The following NCOR2 variants were observed in gnomAD, a reference collection of about 807,000 sequenced individuals.
NCOR2 encodes CTG repeat protein 26.
Under a neutral mutation model 262.9 loss-of-function variants are expected in NCOR2, and 81 were observed. The ratio of observed to expected loss-of-function variants is 0.31; its 90% CI spans 0.26 to 0.37. The LOEUF (loss-of-function observed/expected upper bound fraction) is 0.37. NCOR2 is among the 10% of genes least tolerant of loss of function. The pLI is 1.00. For synonymous variants in NCOR2, 1,659 were observed against 1,559.3 expected (o/e 1.06, Z -1.51); for missense variants, 3,385 against 3,621.4 (o/e 0.93, Z 1.68).
intron 22 of NCOR2, among the ~76,000 whole-genome samples, chr12:124,358,984 G>A (rs1174409255): frequency 6.6e-6 from 1 of 152,240 alleles, no homozygotes; most frequent in Non-Finnish European, 1.5e-5. Flanking sequence ...CCCAGGCACT[G>A]GGGCTGCAGA....
intron 27 of NCOR2, among the ~76,000 whole-genome samples, chr12:124,353,317 C>T (rs374473242): frequency 5.3e-5 from 8 of 152,232 alleles, no homozygotes; most frequent in African/African-American, 1.7e-4. Context: ...CTCAGCCTGA[C>T]TTTTGTCCAA....
chr12:124,362,322 C>T lies in NCOR2; in HGVS notation c.2929-25G>A, dbSNP rs780102975. The T allele has an allele frequency of 4.5e-6, 6 of 1,334,342 alleles. No homozygotes were observed. The Admixed American group carries it at 1.8e-4, about 39-fold the overall frequency. The allele number at this position is 1,334,342 out of a possible 1,614,324, so 82.7% of individuals were successfully genotyped here. On this transcript the variant is annotated intron_variant, in intron 21 of 46. Coordinates refer to ENST00000405201, the Ensembl canonical transcript of NCOR2. Reference sequence around the variant, plus strand: ...GCTGAGGGAAGCAGGCAGAAGTGAGCATTCACAGAGGGTGTCTGAAAGTGA... The same window carrying T: ...GCTGAGGGAAGCAGGCAGAAGTGAGTATTCACAGAGGGTGTCTGAAAGTGA...
At position 124,340,655 on chromosome 12, in the gene NCOR2, G is replaced by T. The variant is rs374215389; in HGVS notation, c.5285C>A (p.Pro1762His). ...GCTGCTGAAGGGCTGGGGCGCGGTG[G>T]GGAGGTAGGCAAGGCGGTCCATGGC... Residue 1762 changes from proline (P) to histidine (H), a missense_variant, in exon 35 of 47, where the codon CCC becomes CAC. Physicochemically the swap from Pro to His is moderately conservative, Grantham distance 77. This residue lies in a region of NCOR2 where 1,615 missense variants were observed against 1,626.9 expected (regional missense o/e 0.99). Coordinates refer to ENST00000405201, the Ensembl canonical transcript of NCOR2. The T allele has an allele frequency of 2.0e-6, 3 of 1,502,882 alleles. No homozygotes were observed. In the African/African-American group the frequency reaches 4.2e-5, roughly 21 times the overall value. The allele number at this position is 1,502,882 out of a possible 1,614,324, so 93.1% of individuals were successfully genotyped here.
At chr12:124,425,201 C>CATCTCT (rs2043462844) in intron 11 of NCOR2, among the ~76,000 whole-genome samples, 1 of 152,068 alleles carries the variant, frequency 6.6e-6, no homozygotes, top group African/African-American at 2.4e-5. Flanking sequence ...GGTGAAACCC[C>CATCTCT]ATCTCTACTA....
rs2047562258 is a variant in NCOR2, at chr12:124,482,730, C to T, written c.411+866G>A. Among the ~76,000 whole-genome samples the T allele has an allele frequency of 6.6e-6, 1 of 152,098 alleles. No individual in the cohort carries two copies. The highest frequency in any genetic ancestry group is 2.4e-5 in the African/African-American group (1 of 41,418). ...TGAGTGTGCCCAGGTGAGGCCTGGG[C>T]CCACCTGCAATGCCAGGCAGCCCCC... On this transcript the variant is annotated intron_variant, in intron 3 of 46. Coordinates refer to ENST00000405201, the Ensembl canonical transcript of NCOR2. The surrounding 1 kb of genome is among the most constrained non-coding windows in gnomAD (Gnocchi z 6.3).
chr12:124,411,385 C>T (rs987892714), intron 13 of NCOR2, among the ~76,000 whole-genome samples: 1 of 152,138 alleles, frequency 6.6e-6, no homozygotes, highest in Non-Finnish European at 1.5e-5. Flanking sequence ...GAGTGGACGG[C>T]AGCAGTCGGG....
At chr12:124,563,278 T>A (rs551533120) in intron 1 of NCOR2, among the ~76,000 whole-genome samples, 1 of 152,346 alleles carries the variant, frequency 6.6e-6, no homozygotes, top group South Asian at 2.1e-4. Context: ...GTTAGGACAA[T>A]TCTTTCTAGA....
chr12:124,506,654 T>TCCTCATTAAGTTCCGGGCGTC (rs2049057118), intron 1 of NCOR2, among the ~76,000 whole-genome samples: 1 of 151,944 alleles, frequency 6.6e-6, no homozygotes, highest in Non-Finnish European at 1.5e-5. Flanking sequence ...TGCCGCCTCT[T>TCCTCATTAAGTTCCGGGCGTC]CCTCATTAAG....
intron 17 of NCOR2, among the ~76,000 whole-genome samples, chr12:124,379,222 G>T (rs1316597362): frequency 1.3e-5 from 2 of 152,098 alleles, no homozygotes; most frequent in Non-Finnish European, 2.9e-5. Context: ...ATGGAAAGAA[G>T]CCCTCATCGT....
rs1408685762 is a variant in NCOR2 at position 124,381,119 on chromosome 12, T to C, written c.2020-2735A>G. 2.6e-5 allele frequency among the ~76,000 whole-genome samples: 4 copies of C among 152,132 alleles called. No individual in the cohort carries two copies. In the East Asian group the frequency reaches 5.8e-4, roughly 22 times the overall value. On this transcript the variant is annotated intron_variant, in intron 17 of 46. Transcript: ENST00000405201. Reference sequence around the variant, plus strand: ...AATCCCCAAGTCCTCCCCCTATCCATATGGCCCTGTGTGATCCAGCCCTGG... The same window carrying C: ...AATCCCCAAGTCCTCCCCCTATCCACATGGCCCTGTGTGATCCAGCCCTGG...
At chr12:124,419,886 G>C in intron 13 of NCOR2, 71 bp downstream of exon 15, 1 of 1,398,628 alleles carries the variant, frequency 7.1e-7, no homozygotes, top group Non-Finnish European at 1.0e-6. Flanking sequence ...GCGGGGTGCT[G>C]GCCACCAAGC....
At chr12:124,448,596 C>T (rs2045331410) in intron 7 of NCOR2, among the ~76,000 whole-genome samples, 1 of 152,158 alleles carries the variant, frequency 6.6e-6, no homozygotes, top group African/African-American at 2.4e-5. Flanking sequence ...CCGAGAAGGC[C>T]AAGGGCCTCA....
intron 42 of NCOR2, among the ~76,000 whole-genome samples, 156 bp downstream of exon 44, chr12:124,332,974 C>T (rs1380011363): frequency 6.6e-6 from 1 of 152,196 alleles, no homozygotes; most frequent in East Asian, 1.9e-4. Context: ...TGTATCACAC[C>T]CCCAAGTTGG....
At chr12:124,387,175 G>A (rs1025269023) in intron 16 of NCOR2, among the ~76,000 whole-genome samples, 5 of 152,212 alleles carry the variant, frequency 3.3e-5, no homozygotes, top group Non-Finnish European at 5.9e-5. Context: ...GGAGCTGAGG[G>A]GCAGCCGTCT....
intron 28 of NCOR2, among the ~76,000 whole-genome samples, chr12:124,349,574 TTCCCTACAGTCCTCCCCAC>T (rs1020850303): frequency 3.3e-5 from 5 of 152,122 alleles, no homozygotes; most frequent in East Asian, 3.9e-4. Flanking sequence ...GTCCTCCCCA[TTCCCTACAGTCCTCCCCAC>T]TCCCTACAGT....
In NCOR2 at chr12:124,327,372, G is replaced by A. The variant is rs756322252; in HGVS notation, c.7183+37C>T. On this transcript the variant is annotated intron_variant, in intron 45 of 46. Transcript: ENST00000405201. ...GCGAGGATTAATCACACCGGGGGTG[G>A]GGACAGACGGGGGCGGGGCGGGGGT... 7.8e-4 allele frequency: 1,162 copies of A among 1,489,142 alleles called. 1 individual carries two copies. Among genetic ancestry groups the A allele is most frequent in the Non-Finnish European group, 1.0e-3 (1,110 of 1,096,560 alleles). 92.2% of individuals were successfully genotyped at this position (1,489,142 alleles called of 1,614,324 possible).
At chr12:124,496,877 G>A (rs1025656322), upstream of NCOR2, among the ~76,000 whole-genome samples, 1 of 152,212 alleles carries the variant, frequency 6.6e-6, no homozygotes, top group African/African-American at 2.4e-5. This position sits in a 1 kb window ranked among gnomAD's most constrained non-coding sequence, Gnocchi z 4.4. Flanking sequence ...TTTTGCTGCT[G>A]GAACCAGGAG....
At chr12:124,550,048 C>T (rs1016498696) in intron 1 of NCOR2, among the ~76,000 whole-genome samples, 1 of 152,202 alleles carries the variant, frequency 6.6e-6, no homozygotes, top group African/African-American at 2.4e-5. Context: ...CAGAGGACCG[C>T]AGGCAATGTC....
At chr12:124,415,258 C>T (rs929919725) in intron 13 of NCOR2, among the ~76,000 whole-genome samples, 1 of 152,238 alleles carries the variant, frequency 6.6e-6, no homozygotes, top group Non-Finnish European at 1.5e-5. Flanking sequence ...TTCCAAGCAG[C>T]GGTGCTGGGC....
Sources: gnomAD v4.1 joint callset for allele counts (sites outside exome capture counted in the v4.1 genomes callset) on GRCh38, gnomAD v4.1.1 for gene constraint, gnomAD v4.1.1 regional missense constraint, Gnocchi (gnomAD v3.1) non-coding constraint, MANE v1.5 for transcripts, NCBI Gene and HGNC (gene_info 2026-07-23, HGNC 2026-07-21) for gene names.